ALG5: variants seen among roughly 807,000 people sequenced by gnomAD.
The protein encoded by ALG5 is dolichyl-phosphate beta-glucosyltransferase.
ALG5 carries 26 observed loss-of-function variants against 51.8 expected under a neutral mutation model. That is an observed-to-expected ratio of 0.50 (90% CI 0.37 to 0.70). ALG5 has a LOEUF of 0.70. Among genes scored for constraint, ALG5 ranks in the 30% least tolerant of loss-of-function variants. The probability of loss-of-function intolerance (pLI) is 0.00; values close to 1 mark genes in which losing one functional copy is unlikely to be tolerated. For synonymous variants in ALG5, 141 were observed against 136.1 expected (o/e 1.04, Z -0.25); for missense variants, 311 against 399.3 (o/e 0.78, Z 1.88).
chr13:36,969,173 A>G (rs2058909323), intron 7 of ALG5, among the ~76,000 whole-genome samples: 1 of 152,212 alleles, frequency 6.6e-6, no homozygotes, highest in African/African-American at 2.4e-5. Flanking sequence ...AGTCTCATTT[A>G]AATACTAGTG....
At chr13:36,977,790 C>A (rs1406623269) in intron 6 of ALG5, among the ~76,000 whole-genome samples, 1 of 39,172 alleles carries the variant, frequency 2.6e-5, no homozygotes, top group Non-Finnish European at 3.9e-5. Flanking sequence ...AGACTGTCTC[C>A]AAAAAAAAAA....
chr13:36,967,868 C>T, intron 7 of ALG5: 1 of 1,045,778 alleles, frequency 9.6e-7, no homozygotes, highest in South Asian at 1.4e-5. Flanking sequence ...GGTAGAAAAA[C>T]AATACCTATA....
At position 36,985,708 on chromosome 13, in the gene ALG5, A is replaced by G. The variant is rs747524113; in HGVS notation, c.480T>C (p.Leu160=). 6.2e-7 allele frequency: 1 copy of G among 1,613,714 alleles called. No homozygotes were observed. Among genetic ancestry groups the G allele is most frequent in the South Asian group, 1.1e-5 (1 of 91,056 alleles). The part of the protein sequence containing the change: ...GIFSSRGEKI[L]MADADGATKF... ...TTGTGGCTCCATCAGCATCTGCCATAAGGATCTTTTCTCCTCGAGAACTGA... is the reference window on the plus strand; with the variant it reads ...TTGTGGCTCCATCAGCATCTGCCATGAGGATCTTTTCTCCTCGAGAACTGA... Residue 160 remains leucine (L), a synonymous_variant, in exon 6 of 10, where the codon CTT becomes CTC. Coordinates refer to ENST00000239891, the MANE Select transcript of ALG5 (RefSeq NM_013338.5).
intron 6 of ALG5, among the ~76,000 whole-genome samples, chr13:36,982,879 T>G (rs2058986299): frequency 6.6e-6 from 1 of 152,166 alleles, no homozygotes; most frequent in Non-Finnish European, 1.5e-5. Context: ...CTGGGACACT[T>G]AAATAATTAG....
intron 1 of ALG5, among the ~76,000 whole-genome samples, chr13:36,997,018 T>C (rs1194817888): frequency 6.6e-6 from 1 of 152,216 alleles, no homozygotes; most frequent in Admixed American, 6.5e-5. Flanking sequence ...CAATTTTTTC[T>C]TGATTAAAAA....
At chr13:36,974,155 T>C (rs150829999) in intron 6 of ALG5, among the ~76,000 whole-genome samples, 2 of 152,254 alleles carry the variant, frequency 1.3e-5, no homozygotes, top group Non-Finnish European at 2.9e-5. Flanking sequence ...CATTGTTAAG[T>C]AGAAACAAGA....
intron 5 of ALG5, among the ~76,000 whole-genome samples, chr13:36,987,338 G>A (rs866631016): frequency 6.6e-6 from 1 of 152,176 alleles, no homozygotes; most frequent in African/African-American, 2.4e-5. Flanking sequence ...GTTTGGATCT[G>A]TGTCCCCTCC....
At chr13:36,955,263 G>A (rs1004567503) in intron 8 of ALG5, among the ~76,000 whole-genome samples, 23 of 152,146 alleles carry the variant, frequency 1.5e-4, no homozygotes, top group African/African-American at 4.3e-4. Flanking sequence ...AACCTGTAGC[G>A]AAATTTACCA....
chr13:36,968,549 T>C (rs968753183), intron 7 of ALG5, among the ~76,000 whole-genome samples: 2 of 152,194 alleles, frequency 1.3e-5, no homozygotes, highest in African/African-American at 2.4e-5. Flanking sequence ...TAAGCACTTT[T>C]AAGGATGATA....
At chr13:36,977,272 T>G (rs2058956290) in intron 6 of ALG5, among the ~76,000 whole-genome samples, 1 of 152,142 alleles carries the variant, frequency 6.6e-6, no homozygotes, top group Non-Finnish European at 1.5e-5. Flanking sequence ...AGACATGGAG[T>G]CTCTTTCTTT....
intron 8 of ALG5, 76 bp downstream of exon 8, chr13:36,965,499 T>C (rs764067332): frequency 5.7e-6 from 8 of 1,400,492 alleles, no homozygotes; most frequent in Non-Finnish European, 7.8e-6. Context: ...ATTATAAATA[T>C]ACAGGGCTGT....
At chr13:36,976,425 CAAAAAAAAAAAA>C (rs57192095) in intron 6 of ALG5, among the ~76,000 whole-genome samples, 14 of 36,616 alleles carry the variant, frequency 3.8e-4, no homozygotes, top group Non-Finnish European at 7.3e-4. Context: ...GACTCTGTCT[CAAAAAAAAAAAA>C]AAAAAAAAAA....
chr13:36,973,557 T>C (rs2058936162), intron 6 of ALG5, among the ~76,000 whole-genome samples: 1 of 152,092 alleles, frequency 6.6e-6, no homozygotes, highest in Non-Finnish European at 1.5e-5. Context: ...AAGGTACAAG[T>C]ACAAAAAACC....
Position 36,965,713 on chromosome 13 carries a change from C to T in ALG5, c.635G>A (p.Arg212His), listed in dbSNP as rs1332833799. 6.2e-7 allele frequency: 1 copy of T among 1,610,744 alleles called. No homozygotes were observed. The highest frequency in any genetic ancestry group is 8.5e-7 in the Non-Finnish European group (1 of 1,178,986). ...KESIAQRSYFRTLLMYGFHFL... is the reference protein window; with the variant it reads ...KESIAQRSYFHTLLMYGFHFL... ...GTGGAACCCATACATGAGAAGAGTA[C>T]GGAAGTAAGAACGCTGAAAACAAAG... is the stretch of plus-strand genomic sequence containing the variant. Residue 212 changes from arginine to histidine, a missense_variant, in exon 8 of 10, where the codon CGT becomes CAT. Coordinates refer to ENST00000239891, the MANE Select transcript of ALG5 (RefSeq NM_013338.5).
chr13:36,956,691 G>C (rs2058841267), intron 8 of ALG5, among the ~76,000 whole-genome samples: 1 of 152,100 alleles, frequency 6.6e-6, no homozygotes, highest in African/African-American at 2.4e-5. Context: ...TGGGAACTCT[G>C]TTTTCACTCT....
chr13:36,958,868 G>A (rs934561107), intron 8 of ALG5, among the ~76,000 whole-genome samples: 1 of 152,028 alleles, frequency 6.6e-6, no homozygotes, highest in African/African-American at 2.4e-5. Context: ...CAGGGGGAGG[G>A]ACAATGATCG....
intron 6 of ALG5, among the ~76,000 whole-genome samples, chr13:36,981,587 A>C (rs1183604891): frequency 6.6e-6 from 1 of 152,240 alleles, no homozygotes; most frequent in Non-Finnish European, 1.5e-5. Flanking sequence ...AACTAGCCAC[A>C]ATTCCATTCC....
intron 6 of ALG5, among the ~76,000 whole-genome samples, chr13:36,972,677 G>A (rs565923132): frequency 6.6e-6 from 1 of 152,234 alleles, no homozygotes; most frequent in African/African-American, 2.4e-5. Flanking sequence ...TATATGAGAG[G>A]ATATAGTAAC....
intron 1 of ALG5, among the ~76,000 whole-genome samples, chr13:36,996,677 T>C (rs2138833606): frequency 6.6e-6 from 1 of 152,326 alleles, no homozygotes; most frequent in South Asian, 2.1e-4. Context: ...AGGAAGGATC[T>C]CATTTCAAAA....
Sources: allele counts gnomAD v4.1 joint callset (sites outside exome capture counted in the v4.1 genomes callset), GRCh38; gene constraint gnomAD v4.1.1; transcripts MANE v1.5; gene names NCBI Gene and HGNC (gene_info 2026-07-23, HGNC 2026-07-21).